SPIDR: variants seen among roughly 807,000 people sequenced by gnomAD.
SPIDR encodes scaffold protein involved in DNA repair, also known as DNA repair-scaffolding protein.
In SPIDR, 93 loss-of-function variants were observed where a neutral mutation model predicts 104.6. That is an observed-to-expected ratio of 0.89 (90% confidence interval 0.75 to 1.06). The LOEUF (loss-of-function observed/expected upper bound fraction) is 1.06. Ranked by LOEUF, SPIDR falls within the 50% of genes least tolerant of loss-of-function variation. The pLI, the probability that SPIDR is intolerant of heterozygous loss-of-function variation, is 0.00. For missense variants in SPIDR, 1,154 were observed against 1,111.2 expected, an observed-to-expected ratio of 1.04 and a Z score of -0.55; for synonymous variants, 431 against 416.9, an observed-to-expected ratio of 1.03 and a Z score of -0.41.
rs2080781653 is a variant in SPIDR, at chr8:47,502,935, A to G, written c.1097+62393A>G. On this transcript the variant is annotated intron_variant, in intron 8 of 19. Coordinates refer to ENST00000297423, the MANE Select transcript of SPIDR (RefSeq NM_001080394.4). ...GGAGCACGTTGTGCAGTTTCCATGT[A>G]GTTGAGCAGTTTTGAGTGAGTTTCT... Among the ~76,000 whole-genome samples the G allele has an allele frequency of 3.3e-5, 5 of 152,194 alleles. 1 individual carries two copies. The South Asian group carries it at 1.0e-3, about 31-fold the overall frequency.
intron 5 of SPIDR, among the ~76,000 whole-genome samples, chr8:47,367,832 G>A (rs1263369736): frequency 6.6e-6 from 1 of 152,168 alleles, no homozygotes; most frequent in Non-Finnish European, 1.5e-5. Context: ...AAGGAATTGT[G>A]AAATGCTAGT....
intron 8 of SPIDR, among the ~76,000 whole-genome samples, chr8:47,465,593 G>A (rs781833562): frequency 2.6e-5 from 4 of 152,082 alleles, no homozygotes; most frequent in Non-Finnish European, 4.4e-5. Flanking sequence ...AAATTAGCTG[G>A]GCGTGGTGAC....
chr8:47,385,484 A>G (rs1164070295), intron 5 of SPIDR, among the ~76,000 whole-genome samples: 3 of 152,246 alleles, frequency 2.0e-5, no homozygotes, highest in Non-Finnish European at 4.4e-5. Flanking sequence ...AGTTGAATGA[A>G]TAGACCCTGT....
intron 8 of SPIDR, among the ~76,000 whole-genome samples, chr8:47,503,633 C>A (rs186245437): frequency 6.6e-6 from 1 of 152,308 alleles, no homozygotes; most frequent in African/African-American, 2.4e-5. Flanking sequence ...AGCCCATTCA[C>A]ATTTAAGGTT....
chr8:47,272,011 G>C (rs1472607566), intron 1 of SPIDR, among the ~76,000 whole-genome samples: 1 of 151,896 alleles, frequency 6.6e-6, no homozygotes. Context: ...GTCTCTCTCT[G>C]TTGCTCAGGC....
intron 6 of SPIDR, among the ~76,000 whole-genome samples, chr8:47,399,919 G>T (rs965917690): frequency 6.6e-6 from 1 of 152,218 alleles, no homozygotes. Context: ...CGGGCGCCCA[G>T]AGTTGAGCCG....
At chr8:47,314,443 G>A (rs1013403612) in intron 5 of SPIDR, among the ~76,000 whole-genome samples, 5 of 152,192 alleles carry the variant, frequency 3.3e-5, no homozygotes, top group Non-Finnish European at 7.3e-5. Flanking sequence ...AAGGAAAGAG[G>A]TTTAATTGAC....
intron 2 of SPIDR, among the ~76,000 whole-genome samples, chr8:47,281,286 G>C (rs1300114806): frequency 6.6e-6 from 1 of 152,214 alleles, no homozygotes; most frequent in Non-Finnish European, 1.5e-5. Flanking sequence ...GTTGGTGGTT[G>C]AAGATTGGGG....
intron 11 of SPIDR, among the ~76,000 whole-genome samples, chr8:47,678,974 C>T (rs766157256): frequency 6.6e-6 from 1 of 152,150 alleles, no homozygotes; most frequent in South Asian, 2.1e-4. Flanking sequence ...AGCCCACTGC[C>T]CTGCTAGCCT....
chr8:47,563,891 AC>A (rs1290424988), intron 8 of SPIDR, among the ~76,000 whole-genome samples: 1 of 152,130 alleles, frequency 6.6e-6, no homozygotes, highest in East Asian at 1.9e-4. Context: ...TCTATTTAAC[AC>A]AATATCTGAC....
intron 8 of SPIDR, among the ~76,000 whole-genome samples, chr8:47,553,270 G>T (rs936095389): frequency 6.6e-6 from 1 of 152,152 alleles, no homozygotes; most frequent in Non-Finnish European, 1.5e-5. Context: ...GAGTGTCTTT[G>T]TGGCATTCTC....
At chr8:47,310,333 CAAAAA>C (rs1166703089) in intron 5 of SPIDR, among the ~76,000 whole-genome samples, 1 of 54,874 alleles carries the variant, frequency 1.8e-5, no homozygotes, top group South Asian at 6.1e-4. Context: ...GACTCCATCT[CAAAAA>C]AAAAAAAAAA....
intron 2 of SPIDR, among the ~76,000 whole-genome samples, chr8:47,283,326 G>C (rs1029643966): frequency 3.3e-5 from 5 of 152,236 alleles, no homozygotes; most frequent in Non-Finnish European, 7.3e-5. Context: ...TGGTGGAGCA[G>C]TCAGAACACA....
chr8:47,673,078 G>C (rs781385885), intron 10 of SPIDR, among the ~76,000 whole-genome samples: 2 of 152,006 alleles, frequency 1.3e-5, no homozygotes, highest in South Asian at 2.1e-4. Context: ...ATTTCTTCAG[G>C]CTCCGTGAAA....
intron 8 of SPIDR, among the ~76,000 whole-genome samples, chr8:47,457,952 G>T (rs2073273405): frequency 6.6e-6 from 1 of 152,138 alleles, no homozygotes; most frequent in Non-Finnish European, 1.5e-5. Context: ...AGTGTTCTCT[G>T]TGCCTATTTT....
chr8:47,511,068 G>T, intron 8 of SPIDR: 1 of 1,024,844 alleles, frequency 9.8e-7, no homozygotes, highest in Non-Finnish European at 1.6e-6. Context: ...CATTGAGCAG[G>T]TTGGCTTCCT....
At chr8:47,408,887 CA>C (rs1563884755) in intron 7 of SPIDR, among the ~76,000 whole-genome samples, 1 of 151,990 alleles carries the variant, frequency 6.6e-6, no homozygotes, top group Non-Finnish European at 1.5e-5. Flanking sequence ...ACAATAACAT[CA>C]AAAAGAATGA....
chr8:47,512,837 G>A lies in SPIDR; in HGVS notation c.1097+72295G>A, dbSNP rs143855512. Reference sequence around the variant, plus strand: ...AAACAGATGTCTTGCATTCCGATGCGGCACGAATGTTAAATAAATTTATTA... The same window carrying A: ...AAACAGATGTCTTGCATTCCGATGCAGCACGAATGTTAAATAAATTTATTA... On this transcript the variant is annotated intron_variant, in intron 8 of 19. Transcript: ENST00000297423. Among the ~76,000 whole-genome samples, 100 of 152,272 alleles carry A rather than the reference G, an allele frequency of 6.6e-4. 1 individual carries two copies. The highest frequency in any genetic ancestry group is 2.2e-3 in the African/African-American group (93 of 41,540).
At chr8:47,728,790 C>A in intron 17 of SPIDR, 143 bp from the exon 18 acceptor site, 1 of 883,218 alleles carries the variant, frequency 1.1e-6, no homozygotes, top group Non-Finnish European at 1.7e-6. Context: ...CAGCTGCAGG[C>A]CTCTCTCAGA....
Sources: gnomAD v4.1 joint callset for allele counts (sites outside exome capture counted in the v4.1 genomes callset) on GRCh38, gnomAD v4.1.1 for gene constraint, MANE v1.5 for transcripts, NCBI Gene and HGNC (gene_info 2026-07-23, HGNC 2026-07-21) for gene names.